Variants in CUX2 observed in about 807,000 individuals in gnomAD.
CUX2 encodes the protein cut like homeobox 2, also known as homeobox protein cut-like 2.
A neutral mutation model predicts 144.8 loss-of-function variants in CUX2; 40 were observed. The observed-to-expected ratio is 0.28, with a 90% CI of 0.21 to 0.36. The LOEUF (loss-of-function observed/expected upper bound fraction) is 0.36. Ranked by LOEUF, CUX2 falls within the 10% of genes least tolerant of loss-of-function variation. The pLI is 1.00. For missense variants in CUX2, 1,615 were observed against 1,994.0 expected (o/e 0.81, Z 3.62); for synonymous variants, 827 against 875.6 (o/e 0.94, Z 0.98).
intron 1 of CUX2, among the ~76,000 whole-genome samples, chr12:111,055,516 T>G (rs977876628): frequency 6.6e-6 from 1 of 152,226 alleles, no homozygotes; most frequent in African/African-American, 2.4e-5. Flanking sequence ...TGGAAAAAAA[T>G]TATTCTCTGA....
At position 111,295,273 on chromosome 12, in the gene CUX2, G is replaced by A. The variant is rs116462643; in HGVS notation, c.561-60G>A. ...TAGGAAGCAAGATGGGGCTCGACTC[G>A]GGGGCCCCAGGCAAGGCCTGTCCCT... is the stretch of plus-strand genomic sequence containing the variant. On this transcript the variant is annotated intron_variant, in intron 6 of 21. Coordinates refer to ENST00000261726, the MANE Select transcript of CUX2 (RefSeq NM_015267.4). This position sits in a 1 kb window ranked among gnomAD's most constrained non-coding sequence, Gnocchi z 5.0. The A allele has an allele frequency of 1.5e-3, 2,323 of 1,541,612 alleles. 19 individuals are homozygous for A. The African/African-American group carries it at 0.021, about 14-fold the overall frequency.
At chr12:111,333,619 AGAAG>A (rs1888212399) in intron 18 of CUX2, among the ~76,000 whole-genome samples, 1 of 152,164 alleles carries the variant, frequency 6.6e-6, no homozygotes, top group Non-Finnish European at 1.5e-5. Context: ...GGAATATCAC[AGAAG>A]TGATGCCATG....
chr12:111,216,945 A>G (rs752157854), intron 2 of CUX2, among the ~76,000 whole-genome samples: 1 of 152,156 alleles, frequency 6.6e-6, no homozygotes, highest in East Asian at 1.9e-4. Context: ...TCCCCACCCT[A>G]TCTAGTCCCT....
chr12:111,231,441 G>C (rs543365976), intron 3 of CUX2, among the ~76,000 whole-genome samples: 67 of 152,330 alleles, frequency 4.4e-4, no homozygotes, highest in African/African-American at 1.6e-3. Context: ...TTAACAACCA[G>C]ATTGCAAAAT....
At chr12:111,161,813 T>C (rs112764817) in intron 1 of CUX2, among the ~76,000 whole-genome samples, 9,233 of 152,242 alleles carry the variant, frequency 0.061, 938 homozygotes, top group African/African-American at 0.21. Flanking sequence ...CAGCTCACTG[T>C]AGCCTCAACC....
intron 3 of CUX2, among the ~76,000 whole-genome samples, chr12:111,251,569 G>C (rs994770118): frequency 6.6e-6 from 1 of 152,142 alleles, no homozygotes; most frequent in East Asian, 1.9e-4. Context: ...AACACCACTC[G>C]CGGTATCTCC....
At chr12:111,291,101 A>G (rs1204461652) in intron 4 of CUX2, among the ~76,000 whole-genome samples, 9 of 150,338 alleles carry the variant, frequency 6.0e-5, no homozygotes, top group Non-Finnish European at 1.2e-4. Flanking sequence ...CTGACCTCAA[A>G]TGATCCGCCT....
chr12:111,310,176 G>A lies in CUX2; in HGVS notation c.1394G>A (p.Gly465Asp), dbSNP rs756328081. Residue 465 changes from glycine to aspartate, a missense_variant, in exon 15 of 22, where the codon GGC becomes GAC. Gly to Asp is a moderately conservative substitution (Grantham distance 94, BLOSUM62 -1). This residue lies in a region of CUX2 where 154 missense variants were observed against 148.4 expected (regional missense o/e 1.04). Coordinates refer to ENST00000261726, the MANE Select transcript of CUX2 (RefSeq NM_015267.4). The surrounding 1 kb of genome is among the most constrained non-coding windows in gnomAD (Gnocchi z 7.9). ...LSPSPGQPLL[G>D]PSLGPDGTRT... The stretch of plus-strand genomic sequence containing the variant: ...CCCAGCCCCGGGCAGCCCCTGCTGG[G>A]CCCCAGCTTGGGGCCTGACGGCACT... The A allele has an allele frequency of 1.9e-6, 3 of 1,553,938 alleles. No individual in the cohort carries two copies. The highest frequency in any genetic ancestry group is 2.8e-5 in the African/African-American group (2 of 72,576).
At chr12:111,222,981 ATGGTCACAACCCAG>A (rs1245849649) in intron 3 of CUX2, among the ~76,000 whole-genome samples, 1 of 152,172 alleles carries the variant, frequency 6.6e-6, no homozygotes, top group Non-Finnish European at 1.5e-5. Context: ...TGGCCCAGTG[ATGGTCACAACCCAG>A]TGGTCACCTC....
intron 1 of CUX2, among the ~76,000 whole-genome samples, chr12:111,116,573 G>C (rs1874319448): frequency 1.3e-5 from 2 of 152,302 alleles, no homozygotes; most frequent in Middle Eastern, 3.4e-3. Context: ...TGATTGTTGG[G>C]ACAAGTTCCC....
At chr12:111,222,010 G>A (rs2136233695) in intron 3 of CUX2, among the ~76,000 whole-genome samples, 1 of 152,338 alleles carries the variant, frequency 6.6e-6, no homozygotes, top group African/African-American at 2.4e-5. Context: ...AGAGAAAAGA[G>A]CAAGACGAAA....
In CUX2 at chr12:111,295,424, C is replaced by G. The variant is rs1885920743; in HGVS notation, c.637+15C>G. 3 of 1,608,888 alleles carry G rather than the reference C, an allele frequency of 1.9e-6. No homozygotes were observed. The East Asian group carries it at 6.7e-5, about 36-fold the overall frequency. On this transcript the variant is annotated intron_variant, in intron 7 of 21. Coordinates refer to ENST00000261726, the MANE Select transcript of CUX2 (RefSeq NM_015267.4). This position sits in a 1 kb window ranked among gnomAD's most constrained non-coding sequence, Gnocchi z 5.0. ...CCTACATTCAGGTATGTGTCGGCAC[C>G]ATGTGGCCTAGAGGGAGGACTGGGA...
In CUX2 at chr12:111,338,350, C is replaced by G; in HGVS notation, c.3261C>G (p.Ser1087=). 2 of 1,614,100 alleles carry G rather than the reference C, an allele frequency of 1.2e-6. No homozygotes were observed. The highest frequency in any genetic ancestry group is 1.7e-6 in the Non-Finnish European group (2 of 1,180,024). The change falls in exon 20 of 22, where the codon TCC becomes TCG. Residue 1087 remains serine (S), a synonymous_variant. Transcript: ENST00000261726. ...LTQGSVSDLL[S]RPKPWHKLSL... ...AGGGCTCCGTGTCTGACCTGCTGTC[C>G]CGGCCCAAACCCTGGCACAAGCTGA...
intron 18 of CUX2, among the ~76,000 whole-genome samples, chr12:111,331,099 A>C (rs1409368621): frequency 6.6e-6 from 1 of 151,900 alleles, no homozygotes; most frequent in Non-Finnish European, 1.5e-5. Context: ...GAAATGCTGT[A>C]GCTCCAGTTG....
chr12:111,077,895 T>A lies in CUX2; in HGVS notation c.63+43655T>A, dbSNP rs1046146642. ...TGATTTAGTCTTCTGTGGTTATTGA[T>A]GGGAAAAGCATTTATTTGTCAATGA... is the stretch of plus-strand genomic sequence containing the variant. On this transcript the variant is annotated intron_variant, in intron 1 of 21. Coordinates refer to ENST00000261726, the MANE Select transcript of CUX2 (RefSeq NM_015267.4). The surrounding 1 kb of genome is among the most constrained non-coding windows in gnomAD (Gnocchi z 4.1). Among the ~76,000 whole-genome samples, 4 of 152,136 alleles carry A rather than the reference T, an allele frequency of 2.6e-5. No individual in the cohort carries two copies. The highest frequency in any genetic ancestry group is 9.7e-5 in the African/African-American group (4 of 41,422).
At chr12:111,154,687 G>A (rs560428928) in intron 1 of CUX2, among the ~76,000 whole-genome samples, 10 of 152,290 alleles carry the variant, frequency 6.6e-5, no homozygotes, top group Non-Finnish European at 1.2e-4. Flanking sequence ...GGAGCTGTGC[G>A]GGAATCAGAG....
At chr12:111,173,975 G>T (rs561306839) in intron 1 of CUX2, among the ~76,000 whole-genome samples, 2 of 152,324 alleles carry the variant, frequency 1.3e-5, no homozygotes, top group South Asian at 4.1e-4. Flanking sequence ...GCTGGTTTGG[G>T]CTTGGCAGTT....
intron 3 of CUX2, among the ~76,000 whole-genome samples, chr12:111,224,419 T>A (rs1311385891): frequency 6.6e-6 from 1 of 150,602 alleles, no homozygotes; most frequent in Non-Finnish European, 1.5e-5. Context: ...CCCAGCCCCA[T>A]GTGCTGCGTC....
chr12:111,282,470 T>C (rs1885160408), intron 4 of CUX2, among the ~76,000 whole-genome samples: 1 of 150,970 alleles, frequency 6.6e-6, no homozygotes, highest in African/African-American at 2.4e-5. Context: ...CTCCTAAAAA[T>C]ACAAAATTAG....
Sources: allele counts gnomAD v4.1 joint callset (sites outside exome capture counted in the v4.1 genomes callset), GRCh38; gene constraint gnomAD v4.1.1; regional missense constraint gnomAD v4.1.1; non-coding constraint Gnocchi (gnomAD v3.1); transcripts MANE v1.5; gene names NCBI Gene and HGNC (gene_info 2026-07-23, HGNC 2026-07-21).